The following CLHC1 variants were observed in gnomAD, a reference collection of about 807,000 sequenced individuals.
CLHC1 encodes clathrin heavy chain linker domain-containing protein 1.
In CLHC1, 72 loss-of-function variants were observed where a neutral mutation model predicts 69.5. That is an observed-to-expected ratio of 1.04 (90% confidence interval 0.86 to 1.26). The LOEUF (loss-of-function observed/expected upper bound fraction) is 1.26, where lower values mean the gene tolerates loss of function less well. CLHC1 is among the 50% of genes most tolerant of loss of function. The pLI, the probability that CLHC1 is intolerant of heterozygous loss-of-function variation, is 0.00. For synonymous variants in CLHC1, 223 were observed against 224.3 expected, an observed-to-expected ratio of 0.99 and a Z score of 0.05; for missense variants, 790 against 679.3, an observed-to-expected ratio of 1.16 and a Z score of -1.81.
At chr2:55,225,825 T>A (rs1329115167) in intron 2 of CLHC1, 2 of 152,226 alleles carry the variant, frequency 1.3e-5, no homozygotes, top group Non-Finnish European at 2.9e-5. Context: ...TGCTTAGATT[T>A]CTGAGAGGCA....
chr2:55,220,677 T>C (rs1404016878), intron 3 of CLHC1, among the ~76,000 whole-genome samples: 6 of 152,208 alleles, frequency 3.9e-5, no homozygotes, highest in Non-Finnish European at 8.8e-5. Flanking sequence ...CAGAGAGCTC[T>C]TCATGTAAGA....
At chr2:55,200,615 C>G (rs1233162243) in intron 9 of CLHC1, among the ~76,000 whole-genome samples, 1 of 152,120 alleles carries the variant, frequency 6.6e-6, no homozygotes, top group Non-Finnish European at 1.5e-5. Context: ...CAGCACTGGA[C>G]AGATCATCCA....
intron 9 of CLHC1, among the ~76,000 whole-genome samples, chr2:55,190,146 G>A (rs1301696387): frequency 2.6e-5 from 4 of 151,930 alleles, no homozygotes; most frequent in South Asian, 4.2e-4. Flanking sequence ...CCAGGTTCAC[G>A]CCATTCTCCT....
rs1047431626 is a variant in CLHC1 at position 55,174,537 on chromosome 2, C to T, written c.*1253G>A. On this transcript the variant is annotated 3_prime_UTR_variant, in exon 13 of 13. Coordinates refer to ENST00000401408, the MANE Select transcript of CLHC1 (RefSeq NM_152385.4). ...TCCTAAGTTCCTCTATCATGTTATA[C>T]ACTTACACTACACATACATTATCAC... 1.3e-5 allele frequency among the ~76,000 whole-genome samples: 2 copies of T among 152,172 alleles called. No individual in the cohort carries two copies. The highest frequency in any genetic ancestry group is 4.8e-5 in the African/African-American group (2 of 41,450).
intron 9 of CLHC1, among the ~76,000 whole-genome samples, chr2:55,187,539 G>C (rs1011221193): frequency 1.3e-5 from 2 of 151,684 alleles, no homozygotes; most frequent in African/African-American, 4.8e-5. Context: ...TTGAACCTGG[G>C]AGGAGGAGGA....
chr2:55,182,792 G>A (rs1352111605), intron 9 of CLHC1, among the ~76,000 whole-genome samples: 2 of 152,004 alleles, frequency 1.3e-5, no homozygotes, highest in Non-Finnish European at 2.9e-5. Flanking sequence ...GGGTAGGCTG[G>A]TTGTCTTGAA....
Position 55,203,811 on chromosome 2 carries a change from G to C in CLHC1, c.1006+2459C>G, listed in dbSNP as rs369753503. 3.9e-5 allele frequency among the ~76,000 whole-genome samples: 6 copies of C among 152,076 alleles called. 1 individual carries two copies. The highest frequency in any genetic ancestry group is 1.5e-5 in the Non-Finnish European group (1 of 67,984). ...AATTGAAGAAAAAAATGGACAAATG[G>C]GATCACATCAAGGTAAAAAGCTTCT... On this transcript the variant is annotated intron_variant, in intron 9 of 12. Transcript: ENST00000401408.
At chr2:55,205,932 T>C (rs1240149362) in intron 9 of CLHC1, among the ~76,000 whole-genome samples, 2 of 152,114 alleles carry the variant, frequency 1.3e-5, no homozygotes, top group African/African-American at 2.4e-5. Context: ...TACTTTAATA[T>C]GTACAATTTG....
At chr2:55,224,339 T>G (rs998974280) in intron 2 of CLHC1, 5 of 458,972 alleles carry the variant, frequency 1.1e-5, no homozygotes, top group Non-Finnish European at 2.2e-5. Context: ...CTCCACGCCT[T>G]GACAGCTCCC....
At chr2:55,219,148 A>C (rs984287091) in intron 3 of CLHC1, among the ~76,000 whole-genome samples, 13 of 152,186 alleles carry the variant, frequency 8.5e-5, no homozygotes, top group Admixed American at 4.6e-4. Context: ...TTCCAAATTA[A>C]GTACCCTGTT....
At chr2:55,192,847 G>A (rs1466751596) in intron 9 of CLHC1, among the ~76,000 whole-genome samples, 1 of 149,892 alleles carries the variant, frequency 6.7e-6, no homozygotes, top group African/African-American at 2.5e-5. Context: ...GTATCTGAAT[G>A]TGTAAAACTC....
rs539593356 is a variant in CLHC1 at position 55,209,957 on chromosome 2, T to C, written c.500-126A>G. ...ATTTAGAAATGATAGTATGTACTTA[T>C]AGCTTACTGAACATAAGTAAAATTA... On this transcript the variant is annotated intron_variant, in intron 5 of 12. Transcript: ENST00000401408. 6.0e-4 allele frequency: 364 copies of C among 607,654 alleles called. 6 individuals are homozygous for C. The South Asian group carries it at 7.6e-3, about 13-fold the overall frequency. 37.6% of individuals were successfully genotyped at this position (607,654 alleles called of 1,614,324 possible).
intron 3 of CLHC1, among the ~76,000 whole-genome samples, chr2:55,221,738 G>A (rs894283481): frequency 2.6e-5 from 4 of 152,210 alleles, no homozygotes; most frequent in African/African-American, 9.7e-5. Flanking sequence ...AGCACTTTGG[G>A]AGGCCAAGAT....
intron 7 of CLHC1, 41 bp downstream of exon 7, chr2:55,209,363 C>T (rs752762728): frequency 7.9e-7 from 1 of 1,272,570 alleles, no homozygotes; most frequent in Admixed American, 2.1e-5. Flanking sequence ...AAAAAAATGT[C>T]TTCCATTATT....
Position 55,226,732 on chromosome 2 carries a change from A to G in CLHC1, c.-83+1300T>C, listed in dbSNP as rs185051695. ...CTGCAACCTTCACTTTCTGAATTCA[A>G]GTGATTCTCCTGCCTTAGCCTCCCG... On this transcript the variant is annotated intron_variant, in intron 2 of 12. Transcript: ENST00000401408. Among the ~76,000 whole-genome samples the G allele has an allele frequency of 1.1e-3, 162 of 152,346 alleles. 2 individuals are homozygous for G. The Middle Eastern group carries it at 0.017, about 16-fold the overall frequency.
intron 4 of CLHC1, 55 bp downstream of exon 4, chr2:55,217,756 T>C: frequency 8.6e-7 from 1 of 1,158,484 alleles, no homozygotes; most frequent in Non-Finnish European, 1.2e-6. Context: ...CACTGGCTAG[T>C]TATTATAATC....
intron 9 of CLHC1, among the ~76,000 whole-genome samples, chr2:55,188,468 T>C (rs1444875243): frequency 2.0e-5 from 3 of 152,058 alleles, no homozygotes; most frequent in Non-Finnish European, 4.4e-5. Flanking sequence ...GTCAAAGATA[T>C]AGAACATAGG....
At chr2:55,197,923 T>C (rs1266866886) in intron 9 of CLHC1, among the ~76,000 whole-genome samples, 1 of 152,174 alleles carries the variant, frequency 6.6e-6, no homozygotes, top group Non-Finnish European at 1.5e-5. Flanking sequence ...TCAAAATAGC[T>C]GTTTTGAGGA....
chr2:55,223,100 G>C (rs1389756044), intron 2 of CLHC1, among the ~76,000 whole-genome samples: 1 of 151,978 alleles, frequency 6.6e-6, no homozygotes, highest in Admixed American at 6.6e-5. Context: ...TCTAATAGAA[G>C]GTTTGGTATT....
Sources: allele counts gnomAD v4.1 joint callset (sites outside exome capture counted in the v4.1 genomes callset), GRCh38; gene constraint gnomAD v4.1.1; transcripts MANE v1.5; gene names NCBI Gene and HGNC (gene_info 2026-07-23, HGNC 2026-07-21).